The following TMEM59 variants were observed in gnomAD, a reference collection of about 807,000 sequenced individuals.
The protein encoded by TMEM59 is dendritic cell factor 1.
A neutral mutation model predicts 42.2 loss-of-function variants in TMEM59; 44 were observed. That is an observed-to-expected ratio of 1.04 (90% CI 0.82 to 1.34). TMEM59 has a LOEUF of 1.34. Among genes scored for constraint, TMEM59 ranks in the 40% most tolerant of loss-of-function variants. The probability of loss-of-function intolerance (pLI) is 0.00; values close to 1 mark genes in which losing one functional copy is unlikely to be tolerated. For missense variants in TMEM59, 359 were observed against 382.8 expected, an observed-to-expected ratio of 0.94 and a Z score of 0.52; for synonymous variants, 148 against 145.8, an observed-to-expected ratio of 1.02 and a Z score of -0.11.
chr1:54,047,568 TA>T, intron 1 of TMEM59, 196 bp from the exon 2 acceptor site: 1 of 497,296 alleles, frequency 2.0e-6, no homozygotes. Flanking sequence ...TTCCTTATTT[TA>T]AAAGTGATAC....
chr1:54,042,814 A>G (rs1657184293), intron 4 of TMEM59, among the ~76,000 whole-genome samples: 2 of 152,218 alleles, frequency 1.3e-5, no homozygotes, highest in African/African-American at 4.8e-5. Context: ...AACAGGAATA[A>G]TACAACCTCA....
chr1:54,041,436 A>G (rs780582813), intron 5 of TMEM59, among the ~76,000 whole-genome samples: 3 of 152,248 alleles, frequency 2.0e-5, no homozygotes, highest in Admixed American at 2.0e-4. Context: ...AGTGATTTTC[A>G]AAGTGTGGCC....
At chr1:54,045,886 A>G in intron 2 of TMEM59, 100 bp from the exon 3 acceptor site, 2 of 1,059,900 alleles carry the variant, frequency 1.9e-6, no homozygotes, top group Non-Finnish European at 2.6e-6. Context: ...TATACTTAAA[A>G]AGGTTTCATC....
At chr1:54,035,331 A>G (rs572567760) in intron 7 of TMEM59, among the ~76,000 whole-genome samples, 11 of 152,230 alleles carry the variant, frequency 7.2e-5, no homozygotes, top group African/African-American at 2.2e-4. Flanking sequence ...CTCTTTTTCT[A>G]TGGTACTTTG....
intron 2 of TMEM59, among the ~76,000 whole-genome samples, chr1:54,046,078 T>C (rs1017641558): frequency 6.6e-6 from 1 of 152,198 alleles, no homozygotes; most frequent in Admixed American, 6.5e-5. Flanking sequence ...ATGCACTGGA[T>C]TGGCATCCTG....
intron 6 of TMEM59, among the ~76,000 whole-genome samples, chr1:54,037,652 A>G (rs959098588): frequency 6.6e-6 from 1 of 152,142 alleles, no homozygotes; most frequent in East Asian, 1.9e-4. Context: ...CACCCTAATC[A>G]CTCACTTGAT....
rs66521714 is a variant in TMEM59, at chr1:54,030,671, C to T, written c.*1479G>A. On this transcript the variant is annotated 3_prime_UTR_variant, in exon 8 of 8. Coordinates refer to ENST00000234831, the MANE Select transcript of TMEM59 (RefSeq NM_004872.5). The stretch of plus-strand genomic sequence containing the variant: ...ACTGCTTGACAATGACGGCTAATTC[C>T]TCCTTTCTTCCCCATCTGGATGTGT... The T allele has an allele frequency of 0.29, 44,051 of 152,024 alleles. 6,949 individuals are homozygous for T. Among genetic ancestry groups the T allele is most frequent in the Admixed American group, 0.43 (6,569 of 15,270 alleles). The allele number at this position is 152,024 out of a possible 1,614,324, so 9.4% of individuals were successfully genotyped here. A position where few individuals can be genotyped will look rare whatever the true frequency, so the allele number is the denominator to read the frequency against.
chr1:54,053,346 C>T, upstream of TMEM59: 2 of 782,048 alleles, frequency 2.6e-6, no homozygotes, highest in South Asian at 3.6e-5. Flanking sequence ...ACTGCCGCCT[C>T]CTGCCTCACC....
In TMEM59 at chr1:54,040,809, G is replaced by T. The variant is rs1393765521; in HGVS notation, c.654C>A (p.His218Gln). Residue 218 changes from histidine to glutamine, a missense_variant, in exon 6 of 8, where the codon CAC becomes CAA. His to Gln is a conservative substitution (Grantham distance 24). Coordinates refer to ENST00000234831, the MANE Select transcript of TMEM59 (RefSeq NM_004872.5). Reference sequence around the variant, plus strand: ...TTTCTCCATCTTCAAGAAAATTCCTGTGCGCTTGTGAATTTCTCATTTGCA... The same window carrying T: ...TTTCTCCATCTTCAAGAAAATTCCTTTGCGCTTGTGAATTTCTCATTTGCA... ...SYLQMRNSQA[H>Q]RNFLEDGESD... 1.9e-6 allele frequency: 3 copies of T among 1,613,720 alleles called. No homozygotes were observed. Among genetic ancestry groups the T allele is most frequent in the Non-Finnish European group, 2.5e-6 (3 of 1,179,824 alleles).
chr1:54,038,842 G>T (rs192610692), intron 6 of TMEM59, among the ~76,000 whole-genome samples: 1 of 151,906 alleles, frequency 6.6e-6, no homozygotes, highest in East Asian at 1.9e-4. Context: ...TTTAAAAAAA[G>T]AACACTTAAA....
rs1209770804 is a variant in TMEM59 at position 54,036,706 on chromosome 1, C to A, written c.720G>T (p.Trp240Cys). ...AGAGGACAAGAGTTGTAGTTAAAAT[C>A]CACCCAGAGTTACTGGAAAAAAAAA... ...FLRCLSLNSG[W>C]ILTTTLVLSV... Residue 240 changes from tryptophan to cysteine, a missense_variant, in exon 7 of 8, where the codon TGG (tryptophan) becomes TGT (cysteine). Coordinates refer to ENST00000234831, the MANE Select transcript of TMEM59 (RefSeq NM_004872.5). 6.3e-7 allele frequency: 1 copy of A among 1,588,214 alleles called. No individual in the cohort carries two copies. Among genetic ancestry groups the A allele is most frequent in the Non-Finnish European group, 8.5e-7 (1 of 1,170,354 alleles).
At chr1:54,051,624 GAAC>G (rs1657541362) in intron 1 of TMEM59, among the ~76,000 whole-genome samples, 1 of 152,016 alleles carries the variant, frequency 6.6e-6, no homozygotes, top group African/African-American at 2.4e-5. Context: ...ACAAACCCTA[GAAC>G]AATAGAAAGT....
chr1:54,046,184 A>G (rs543499160), intron 2 of TMEM59, among the ~76,000 whole-genome samples: 1 of 152,364 alleles, frequency 6.6e-6, no homozygotes, highest in Admixed American at 6.5e-5. Context: ...CTATATGTGT[A>G]AAATAGAAAT....
upstream of TMEM59, chr1:54,053,396 A>T: frequency 1.6e-6 from 1 of 611,618 alleles, no homozygotes; most frequent in Non-Finnish European, 2.8e-6. Context: ...TGGCGTGAGG[A>T]GGGGAATTCA....
At chr1:54,049,144 A>C (rs926826501) in intron 1 of TMEM59, among the ~76,000 whole-genome samples, 61 of 152,336 alleles carry the variant, frequency 4.0e-4, no homozygotes, top group African/African-American at 1.4e-3. Context: ...AAAAGAGCCG[A>C]GGTTTCAGGA....
rs1226314856 is a variant in TMEM59, at chr1:54,032,234, A to G, written c.888T>C (p.Leu296=). Residue 296 remains leucine (L), a synonymous_variant, in exon 8 of 8, where the codon CTT becomes CTC. Coordinates refer to ENST00000234831, the MANE Select transcript of TMEM59 (RefSeq NM_004872.5). ...QKLNRYPASS[L]VVVRSKTEDH... is the part of the protein sequence containing the mutation. The stretch of plus-strand genomic sequence containing the variant: ...CTTCAGTTTTAGATCTAACAACCAC[A>G]AGAGAAGAAGCTGGATATCTGTTTA... 1 of 1,613,282 alleles carries G rather than the reference A, an allele frequency of 6.2e-7. No individual in the cohort carries two copies. The highest frequency in any genetic ancestry group is 1.7e-5 in the Admixed American group (1 of 59,982).
upstream of TMEM59, chr1:54,053,278 C>T (rs1569982092): frequency 3.3e-6 from 5 of 1,496,612 alleles, no homozygotes; most frequent in East Asian, 1.1e-4. Flanking sequence ...CTTCTCCGCC[C>T]CACCGACCGT....
intron 6 of TMEM59, among the ~76,000 whole-genome samples, chr1:54,039,862 T>C (rs1298666944): frequency 3.3e-5 from 5 of 151,988 alleles, no homozygotes; most frequent in Admixed American, 6.6e-5. Context: ...GGAGGGACCA[T>C]ATCTGAACTC....
intron 6 of TMEM59, 80 bp from the exon 7 acceptor site, chr1:54,036,798 C>A: frequency 1.1e-6 from 1 of 882,244 alleles, no homozygotes; most frequent in Admixed American, 3.0e-5. Flanking sequence ...ACCTTATGTA[C>A]TTAGCTCAAC....
Sources: allele counts gnomAD v4.1 joint callset (sites outside exome capture counted in the v4.1 genomes callset), GRCh38; gene constraint gnomAD v4.1.1; transcripts MANE v1.5; gene names NCBI Gene and HGNC (gene_info 2026-07-23, HGNC 2026-07-21).